PPP6R3: variants seen among roughly 807,000 people sequenced by gnomAD.
The protein encoded by PPP6R3 is serine/threonine-protein phosphatase 6 regulatory subunit 3.
Under a neutral mutation model 110.7 loss-of-function variants are expected in PPP6R3, and 38 were observed. That is an observed-to-expected ratio of 0.34 (90% CI 0.26 to 0.45). PPP6R3 has a LOEUF of 0.45. PPP6R3 is among the 20% of genes least tolerant of loss of function. The pLI, the probability that PPP6R3 is intolerant of heterozygous loss-of-function variation, is 1.00. For synonymous variants in PPP6R3, 369 were observed against 373.5 expected (o/e 0.99, Z 0.14); for missense variants, 870 against 1,062.4 (o/e 0.82, Z 2.52).
At chr11:68,510,628 A>AT (rs1403096909) in intron 1 of PPP6R3, among the ~76,000 whole-genome samples, 1 of 152,002 alleles carries the variant, frequency 6.6e-6, no homozygotes, top group Non-Finnish European at 1.5e-5. Context: ...GAGCCCCAGC[A>AT]TTTTTTCTTA....
intron 19 of PPP6R3, among the ~76,000 whole-genome samples, chr11:68,598,944 G>T (rs548184651): frequency 6.6e-6 from 1 of 152,120 alleles, no homozygotes; most frequent in Non-Finnish European, 1.5e-5. Flanking sequence ...AGCATGGAGC[G>T]CACCCTAATT....
chr11:68,532,185 G>C (rs924923954), intron 2 of PPP6R3, among the ~76,000 whole-genome samples: 1 of 152,214 alleles, frequency 6.6e-6, no homozygotes, highest in African/African-American at 2.4e-5. Context: ...GAAAGGCTTT[G>C]ATATCATGAA....
chr11:68,588,056 C>CT (rs1374501570), intron 16 of PPP6R3, 32 bp downstream of exon 16: 4 of 1,529,182 alleles, frequency 2.6e-6, no homozygotes, highest in Non-Finnish European at 3.6e-6. Context: ...CGCTGTTGCT[C>CT]TTGCACACCC....
Position 68,594,351 on chromosome 11 carries a change from A to AGAGT in PPP6R3, c.1917-1743_1917-1742insTGAG, listed in dbSNP as rs1198487262. Among the ~76,000 whole-genome samples the AGAGT allele has an allele frequency of 5.6e-4, 82 of 147,218 alleles. 1 individual carries two copies. The highest frequency in any genetic ancestry group is 2.1e-3 in the African/African-American group (79 of 38,014). ...GAGAGAGAGTGAGAGAGAGAGTGAG[A>AGAGT]GAGAGAGAGAGTGAGTTAAATATGA... is the stretch of plus-strand genomic sequence containing the variant. On this transcript the variant is annotated intron_variant, in intron 18 of 23. Coordinates refer to ENST00000393800, the MANE Select transcript of PPP6R3 (RefSeq NM_001164161.2).
rs1320557194 is a variant in PPP6R3 at position 68,508,545 on chromosome 11, C to T, written c.-157-10956C>T. On this transcript the variant is annotated intron_variant, in intron 1 of 23. Coordinates refer to ENST00000393800, the MANE Select transcript of PPP6R3 (RefSeq NM_001164161.2). ...ATAATAGGATGGAAAAGTACTTGCA[C>T]AGTGCCAGCGCAAAAGGTTTGTAAG... 5.0e-4 allele frequency among the ~76,000 whole-genome samples: 76 copies of T among 152,300 alleles called. No individual in the cohort carries two copies. In the South Asian group the frequency reaches 0.015, roughly 29 times the overall value.
chr11:68,582,008 C>G (rs1362617459), intron 14 of PPP6R3, among the ~76,000 whole-genome samples: 1 of 152,188 alleles, frequency 6.6e-6, no homozygotes, highest in Non-Finnish European at 1.5e-5. Flanking sequence ...AAGACATACC[C>G]TATACAGACC....
intron 1 of PPP6R3, among the ~76,000 whole-genome samples, chr11:68,501,897 C>T (rs1042752021): frequency 6.6e-6 from 1 of 152,206 alleles, no homozygotes; most frequent in Non-Finnish European, 1.5e-5. Flanking sequence ...TTAACAGGTT[C>T]TTGGAAGCTG....
rs551811091 is a variant in PPP6R3, at chr11:68,573,144, AT to A, written c.1344-964del. 1.4e-3 allele frequency among the ~76,000 whole-genome samples: 127 copies of A among 91,840 alleles called. 3 individuals are homozygous for A. Among genetic ancestry groups the A allele is most frequent in the African/African-American group, 2.6e-3 (64 of 24,364 alleles). The allele number at this position is 91,840 out of a possible 152,430, so 60.3% of individuals were successfully genotyped here. On this transcript the variant is annotated intron_variant, in intron 12 of 23. Transcript: ENST00000393800. Reference sequence around the variant, plus strand: ...TATATATATATATATATATATATATATATATATATAATTTTTTTTTTTTTGA... The same window carrying A: ...TATATATATATATATATATATATATAATATATATAATTTTTTTTTTTTTGA...
chr11:68,579,647 C>T (rs567699022), intron 14 of PPP6R3, among the ~76,000 whole-genome samples: 3 of 152,312 alleles, frequency 2.0e-5, no homozygotes, highest in South Asian at 2.1e-4. Flanking sequence ...GTAAGAGACA[C>T]GTGTGCACAC....
chr11:68,494,616 AT>A (rs1402350295), intron 1 of PPP6R3, among the ~76,000 whole-genome samples: 1 of 152,104 alleles, frequency 6.6e-6, no homozygotes, highest in Non-Finnish European at 1.5e-5. Context: ...AATATTAAAT[AT>A]TGGCTTGCAT....
intron 1 of PPP6R3, among the ~76,000 whole-genome samples, chr11:68,478,365 T>C (rs1372353706): frequency 6.6e-6 from 1 of 152,208 alleles, no homozygotes; most frequent in Non-Finnish European, 1.5e-5. Flanking sequence ...TAAACCTTCC[T>C]GTGACTTGCA....
chr11:68,611,839 C>T (rs948380456), intron 23 of PPP6R3, among the ~76,000 whole-genome samples: 8 of 152,198 alleles, frequency 5.3e-5, no homozygotes, highest in African/African-American at 1.2e-4. Context: ...TATTGAAGCT[C>T]ACCCGTCTTT....
chr11:68,521,483 T>A (rs891556310), intron 2 of PPP6R3, among the ~76,000 whole-genome samples: 2 of 152,180 alleles, frequency 1.3e-5, no homozygotes, highest in African/African-American at 4.8e-5. Context: ...TTATTCCTCC[T>A]CCTCCTCCTT....
chr11:68,600,072 A>C (rs1327908631), intron 19 of PPP6R3, among the ~76,000 whole-genome samples: 1 of 152,116 alleles, frequency 6.6e-6, no homozygotes, highest in Non-Finnish European at 1.5e-5. Context: ...CAGTGAGCGG[A>C]GATCGTGCCA....
intron 3 of PPP6R3, among the ~76,000 whole-genome samples, chr11:68,540,640 G>C (rs1404793771): frequency 6.6e-6 from 1 of 152,124 alleles, no homozygotes; most frequent in Non-Finnish European, 1.5e-5. Context: ...CATTATGGGA[G>C]ACTGGAGTCT....
At chr11:68,566,124 G>A (rs1279245232) in intron 9 of PPP6R3, among the ~76,000 whole-genome samples, 8 of 152,152 alleles carry the variant, frequency 5.3e-5, no homozygotes, top group Non-Finnish European at 1.2e-4. Flanking sequence ...TCACATTTCA[G>A]GTTTGTGATC....
At chr11:68,513,976 T>C (rs2099123327) in intron 1 of PPP6R3, among the ~76,000 whole-genome samples, 1 of 152,218 alleles carries the variant, frequency 6.6e-6, no homozygotes, top group Non-Finnish European at 1.5e-5. Context: ...TTTTGGTAGA[T>C]CTCATCAAAA....
At chr11:68,578,920 G>A (rs975691076) in intron 14 of PPP6R3, among the ~76,000 whole-genome samples, 11 of 152,196 alleles carry the variant, frequency 7.2e-5, no homozygotes, top group Non-Finnish European at 1.5e-5. Flanking sequence ...ACTAAAAATT[G>A]GCAAGGATTT....
chr11:68,506,807 A>G (rs2153511104), intron 1 of PPP6R3, among the ~76,000 whole-genome samples: 1 of 152,240 alleles, frequency 6.6e-6, no homozygotes, highest in South Asian at 2.1e-4. Context: ...CCATATAAGA[A>G]GTTTTGGTCT....
Sources: gnomAD v4.1 joint callset for allele counts (sites outside exome capture counted in the v4.1 genomes callset) on GRCh38, gnomAD v4.1.1 for gene constraint, MANE v1.5 for transcripts, NCBI Gene and HGNC (gene_info 2026-07-23, HGNC 2026-07-21) for gene names.